The following PDIA3 variants were observed in gnomAD, a reference collection of about 807,000 sequenced individuals.
The protein encoded by PDIA3 is protein disulfide isomerase family A member 3, also known as protein disulfide-isomerase A3.
In PDIA3, 16 loss-of-function variants were observed where a neutral mutation model predicts 56.9. The observed-to-expected ratio is 0.28, with a 90% CI of 0.19 to 0.43. The LOEUF (loss-of-function observed/expected upper bound fraction) is 0.43. PDIA3 is among the 20% of genes least tolerant of loss of function. The pLI is 1.00. For synonymous variants in PDIA3, 192 were observed against 216.5 expected, an observed-to-expected ratio of 0.89 and a Z score of 0.99; for missense variants, 485 against 621.3, an observed-to-expected ratio of 0.78 and a Z score of 2.33.
At chr15:43,765,784 T>G (rs1314053790) in intron 6 of PDIA3, 103 bp from the exon 7 acceptor site, 1 of 1,308,430 alleles carries the variant, frequency 7.6e-7, no homozygotes, top group Non-Finnish European at 1.1e-6. Context: ...TCTAAATGTT[T>G]AAAATCTCTT....
intron 3 of PDIA3, 65 bp downstream of exon 3, chr15:43,756,831 TA>T (rs1205415024): frequency 2.2e-6 from 2 of 899,988 alleles, no homozygotes; most frequent in Admixed American, 2.0e-5. Flanking sequence ...AGTGGAAACA[TA>T]AAAATGTGTT....
At chr15:43,763,790 A>G (rs1282780998) in intron 5 of PDIA3, among the ~76,000 whole-genome samples, 2 of 151,792 alleles carry the variant, frequency 1.3e-5, no homozygotes, top group Non-Finnish European at 1.5e-5. Context: ...GTAGGGGGGT[A>G]ATATCAGAAA....
chr15:43,765,756 A>C, intron 6 of PDIA3, 131 bp from the exon 7 acceptor site: 1 of 989,060 alleles, frequency 1.0e-6, no homozygotes, highest in Non-Finnish European at 1.5e-6. Flanking sequence ...TGTAAGGTAT[A>C]TATTGCTCAG....
Position 43,760,390 on chromosome 15 carries a change from C to CA in PDIA3, c.365-1024dup, listed in dbSNP as rs1221012941. On this transcript the variant is annotated intron_variant, in intron 3 of 12. Coordinates refer to ENST00000300289, the MANE Select transcript of PDIA3 (RefSeq NM_005313.5). Reference sequence around the variant, plus strand: ...TGGGTGACAGAAGGAGACCCTGTCTCAAAAAAAAAATAAAGAAAAGAAAAA... The same window carrying CA: ...TGGGTGACAGAAGGAGACCCTGTCTCAAAAAAAAAAATAAAGAAAAGAAAAA... Among the ~76,000 whole-genome samples, 244 of 84,248 alleles carry CA rather than the reference C, an allele frequency of 2.9e-3. No homozygotes were observed. The Middle Eastern group carries it at 0.035, about 12-fold the overall frequency. 55.3% of individuals were successfully genotyped at this position (84,248 alleles called of 152,430 possible).
chr15:43,748,634 TAA>T (rs2141641436), intron 1 of PDIA3, among the ~76,000 whole-genome samples: 1 of 152,310 alleles, frequency 6.6e-6, no homozygotes, highest in African/African-American at 2.4e-5. Flanking sequence ...TTAATTGGTT[TAA>T]AAGAAAAAGT....
At chr15:43,748,873 A>T (rs1198591248) in intron 1 of PDIA3, among the ~76,000 whole-genome samples, 3 of 151,112 alleles carry the variant, frequency 2.0e-5, no homozygotes, top group Non-Finnish European at 4.4e-5. Context: ...GGTTCAAGTG[A>T]TTCCCCTGCC....
rs1331490681 is a variant in PDIA3 at position 43,766,822 on chromosome 15, T to C, written c.940T>C (p.Phe314Leu). The change falls in exon 8 of 13, where the codon TTT becomes CTT. Residue 314 changes from phenylalanine to leucine, a missense_variant. By Grantham distance (22) the Phe-to-Leu change is conservative (BLOSUM62 0). Coordinates refer to ENST00000300289, the MANE Select transcript of PDIA3 (RefSeq NM_005313.5). ...RKTFSHELSD[F>L]GLESTAGEIP... ...AACCTTTAGCCATGAACTTTCTGAT[T>C]TTGGCTTGGAGAGCACTGCTGGAGA... 6.2e-7 allele frequency: 1 copy of C among 1,613,500 alleles called. No individual in the cohort carries two copies. The highest frequency in any genetic ancestry group is 1.7e-5 in the Admixed American group (1 of 60,022).
rs201254521 is a variant in PDIA3 at position 43,767,813 on chromosome 15, C to T, written c.1029-676C>T. Among the ~76,000 whole-genome samples the T allele has an allele frequency of 1.7e-4, 24 of 144,708 alleles. No individual in the cohort carries two copies. In the East Asian group the frequency reaches 4.7e-3, roughly 29 times the overall value. 94.9% of individuals were successfully genotyped at this position (144,708 alleles called of 152,430 possible). A position where few individuals can be genotyped will look rare whatever the true frequency, so the allele number is the denominator to read the frequency against. On this transcript the variant is annotated intron_variant, in intron 8 of 12. Coordinates refer to ENST00000300289, the MANE Select transcript of PDIA3 (RefSeq NM_005313.5). The stretch of plus-strand genomic sequence containing the variant: ...AAAGAAAGAAATAGATAAGATTGGA[C>T]AGCCTCCTTTGGGCCAGATGTGGTG...
intron 10 of PDIA3, 84 bp from the exon 11 acceptor site, chr15:43,770,165 AG>A: frequency 9.4e-7 from 1 of 1,066,402 alleles, no homozygotes; most frequent in Admixed American, 1.9e-5. Flanking sequence ...TTGAAGAATG[AG>A]ATTGTTTTAA....
At chr15:43,747,257 T>G (rs539926977) in intron 1 of PDIA3, among the ~76,000 whole-genome samples, 2 of 152,290 alleles carry the variant, frequency 1.3e-5, no homozygotes, top group East Asian at 3.9e-4. Flanking sequence ...GTACAGTTTC[T>G]CCCTTCAGCT....
intron 1 of PDIA3, among the ~76,000 whole-genome samples, chr15:43,753,205 T>A (rs763041962): frequency 1.3e-5 from 2 of 150,894 alleles, no homozygotes; most frequent in Non-Finnish European, 3.0e-5. Context: ...AGCCTCCCGA[T>A]TAGCTTTGAT....
chr15:43,764,026 G>A (rs983142268), intron 5 of PDIA3, among the ~76,000 whole-genome samples: 3 of 152,158 alleles, frequency 2.0e-5, no homozygotes, highest in African/African-American at 7.2e-5. Context: ...AATTTTAAGT[G>A]CCATACAAAA....
intron 10 of PDIA3, 72 bp downstream of exon 10, chr15:43,769,718 G>C: frequency 4.6e-6 from 7 of 1,523,384 alleles, no homozygotes; most frequent in Non-Finnish European, 6.3e-6. Context: ...TTCAGCATTG[G>C]CTAATTTGGT....
At chr15:43,761,027 A>G (rs1385565615) in intron 3 of PDIA3, among the ~76,000 whole-genome samples, 1 of 150,942 alleles carries the variant, frequency 6.6e-6, no homozygotes, top group Non-Finnish European at 1.5e-5. Flanking sequence ...ATCAAAGGTC[A>G]GGAGATCGAG....
At chr15:43,769,479 T>A in intron 9 of PDIA3, 39 bp from the exon 10 acceptor site, 5 of 1,600,578 alleles carry the variant, frequency 3.1e-6, no homozygotes, top group Non-Finnish European at 4.3e-6. Flanking sequence ...GAATTTATTT[T>A]TTTATGTTAC....
chr15:43,746,793 C>T (rs1351286257), intron 1 of PDIA3, 87 bp downstream of exon 1: 2 of 1,422,330 alleles, frequency 1.4e-6, no homozygotes, highest in Non-Finnish European at 2.0e-6. Context: ...TACGCAGCGC[C>T]GGGGCCCTTC....
At chr15:43,768,442 G>C (rs747929975) in intron 8 of PDIA3, 47 bp from the exon 9 acceptor site, 5 of 1,376,880 alleles carry the variant, frequency 3.6e-6, no homozygotes, top group Non-Finnish European at 5.2e-6. Context: ...AATTTTCTCA[G>C]CGGTGGGAAT....
intron 1 of PDIA3, 98 bp downstream of exon 1, chr15:43,746,804 A>C: frequency 7.6e-7 from 1 of 1,323,200 alleles, no homozygotes; most frequent in Non-Finnish European, 1.1e-6. Context: ...GGGGCCCTTC[A>C]TTCCTGTGGG....
intron 4 of PDIA3, among the ~76,000 whole-genome samples, chr15:43,762,403 C>T (rs1596022951): frequency 1.3e-5 from 2 of 151,084 alleles, no homozygotes; most frequent in Non-Finnish European, 2.9e-5. Flanking sequence ...CTCAGCTACT[C>T]GGGAGGCTGA....
Sources: allele counts gnomAD v4.1 joint callset (sites outside exome capture counted in the v4.1 genomes callset), GRCh38; gene constraint gnomAD v4.1.1; transcripts MANE v1.5; gene names NCBI Gene and HGNC (gene_info 2026-07-23, HGNC 2026-07-21).